RAB38: variants seen among roughly 807,000 people sequenced by gnomAD.
The protein encoded by RAB38 is ras-related protein Rab-38.
A neutral mutation model predicts 18.4 loss-of-function variants in RAB38; 15 were observed. The observed-to-expected ratio is 0.82, with a 90% confidence interval of 0.55 to 1.26. The LOEUF (loss-of-function observed/expected upper bound fraction) is 1.26. RAB38 is among the 50% of genes most tolerant of loss of function. The pLI is 0.00. For missense variants in RAB38, 294 were observed against 267.4 expected, an observed-to-expected ratio of 1.10 and a Z score of -0.69; for synonymous variants, 101 against 104.4, an observed-to-expected ratio of 0.97 and a Z score of 0.20.
the RAB38 span, among the ~76,000 whole-genome samples, chr11:87,880,658 C>T: frequency 4.0e-5 from 6 of 151,844 alleles, no homozygotes; most frequent in East Asian, 1.2e-3. Flanking sequence ...TATATAGGGT[C>T]CCACAACATT....
At chr11:88,167,617 T>G in intron 1 of RAB38, 1 of 152,098 alleles carries the variant, frequency 6.6e-6, no homozygotes, top group East Asian at 1.9e-4. Context: ...AAGACAAAAT[T>G]TAATTAGTAC....
At chr11:88,039,355 C>CT in the RAB38 span, among the ~76,000 whole-genome samples, 364 of 151,708 alleles carry the variant, frequency 2.4e-3, 12 homozygotes, top group East Asian at 0.059. Context: ...ACTTCAGCTA[C>CT]TTTTTTTTTA....
Position 88,149,763 on chromosome 11 carries a change from C to T in RAB38, c.395G>A (p.Gly132Glu). The change falls in exon 2 of 3, where the codon GGG becomes GAG. Residue 132 changes from glycine (G) to glutamate (E), a missense_variant. Gly to Glu is a moderately conservative substitution (Grantham distance 98, BLOSUM62 -2). Coordinates refer to ENST00000243662, the MANE Select transcript of RAB38 (RefSeq NM_022337.3). ...GCCATTGTTCATGAGCACATCCTTC[C>T]CCTGGTCACATTTGTTGGCCAACAA... ...VVLLANKCDQ[G>E]KDVLMNNGLK... 1 of 1,614,098 alleles carries T rather than the reference C, an allele frequency of 6.2e-7. No individual in the cohort carries two copies. The highest frequency in any genetic ancestry group is 1.6e-4 in the Middle Eastern group (1 of 6,062).
the RAB38 span, among the ~76,000 whole-genome samples, chr11:87,838,865 GTCA>G: frequency 6.6e-6 from 1 of 152,122 alleles, no homozygotes; most frequent in African/African-American, 2.4e-5. Context: ...ACTCATTACT[GTCA>G]TCATCTTACT....
the RAB38 span, among the ~76,000 whole-genome samples, chr11:88,025,041 G>C: frequency 6.6e-6 from 1 of 151,940 alleles, no homozygotes; most frequent in Non-Finnish European, 1.5e-5. Context: ...ATAACACAAA[G>C]TATAAATGCT....
the RAB38 span, among the ~76,000 whole-genome samples, chr11:87,910,377 T>C: frequency 5.3e-5 from 8 of 151,998 alleles, no homozygotes; most frequent in Middle Eastern, 3.4e-3. Flanking sequence ...TTATCAGATA[T>C]ATGACTTGAA....
chr11:88,036,718 G>A, the RAB38 span, among the ~76,000 whole-genome samples: 1 of 151,714 alleles, frequency 6.6e-6, no homozygotes, highest in Non-Finnish European at 1.5e-5. Flanking sequence ...ACATATCAAT[G>A]GAATCAAATG....
chr11:88,122,853 T>C (rs535526940), intron 2 of RAB38, among the ~76,000 whole-genome samples: 5 of 152,322 alleles, frequency 3.3e-5, no homozygotes, highest in African/African-American at 1.2e-4. Flanking sequence ...CTGAGACTGG[T>C]ACATCATTGT....
At chr11:88,076,335 T>A in the RAB38 span, among the ~76,000 whole-genome samples, 38 of 151,898 alleles carry the variant, frequency 2.5e-4, no homozygotes, top group African/African-American at 8.9e-4. Context: ...ATGGAAAAAA[T>A]TTAATGGCAT....
chr11:88,043,519 T>C, the RAB38 span, among the ~76,000 whole-genome samples: 1 of 152,114 alleles, frequency 6.6e-6, no homozygotes, highest in Admixed American at 6.5e-5. Flanking sequence ...AGCTTGTTCC[T>C]GCCTTAACTG....
chr11:88,094,440 T>C, the RAB38 span, among the ~76,000 whole-genome samples: 2 of 152,020 alleles, frequency 1.3e-5, no homozygotes, highest in South Asian at 4.1e-4. Context: ...CCCTAGACTA[T>C]TATTAAGAAC....
the RAB38 span, among the ~76,000 whole-genome samples, chr11:87,862,500 G>T: frequency 2.0e-5 from 3 of 151,838 alleles, no homozygotes; most frequent in African/African-American, 7.3e-5. Context: ...ACACACTGGG[G>T]CCTATCAGAG....
chr11:88,033,383 TA>T, the RAB38 span, among the ~76,000 whole-genome samples: 77,723 of 149,416 alleles, frequency 0.52, 21,493 homozygotes, highest in Non-Finnish European at 0.63. Context: ...ACAATAATAA[TA>T]AAAAAAAGAA....
the RAB38 span, among the ~76,000 whole-genome samples, chr11:88,043,315 T>C: frequency 6.6e-6 from 1 of 152,090 alleles, no homozygotes. Flanking sequence ...AGGTGCTAAG[T>C]CAGCGTTCCT....
intron 1 of RAB38, among the ~76,000 whole-genome samples, chr11:88,162,661 A>C (rs1008420099): frequency 1.6e-4 from 24 of 152,078 alleles, no homozygotes; most frequent in African/African-American, 5.8e-4. Flanking sequence ...GGAACATATA[A>C]CTAGAACATA....
the RAB38 span, among the ~76,000 whole-genome samples, chr11:88,051,527 G>A: frequency 1.3e-4 from 20 of 151,298 alleles, no homozygotes; most frequent in African/African-American, 3.6e-4. Flanking sequence ...ACTTGCAGCC[G>A]GAACCTAACA....
At chr11:87,931,941 G>A in the RAB38 span, among the ~76,000 whole-genome samples, 1 of 151,848 alleles carries the variant, frequency 6.6e-6, no homozygotes, top group East Asian at 1.9e-4. Flanking sequence ...GCACAGGAGG[G>A]GTGGGGTGGG....
chr11:87,939,253 C>A, the RAB38 span, among the ~76,000 whole-genome samples: 1 of 151,914 alleles, frequency 6.6e-6, no homozygotes, highest in Admixed American at 6.6e-5. Flanking sequence ...TGCTGTGAAT[C>A]CAGAGTTATG....
the RAB38 span, among the ~76,000 whole-genome samples, chr11:87,867,265 A>C: frequency 1.3e-5 from 2 of 151,734 alleles, no homozygotes; most frequent in Non-Finnish European, 3.0e-5. Flanking sequence ...CCAAACAGTG[A>C]TCCAAATTGT....
Sources: gnomAD v4.1 joint callset for allele counts (sites outside exome capture counted in the v4.1 genomes callset) on GRCh38, gnomAD v4.1.1 for gene constraint, MANE v1.5 for transcripts, NCBI Gene and HGNC (gene_info 2026-07-23, HGNC 2026-07-21) for gene names.